Variants in ORC5 observed in about 807,000 individuals in gnomAD.
ORC5 encodes protein phosphatase 1, regulatory subunit 117.
ORC5 carries 39 observed loss-of-function variants against 58.8 expected under a neutral mutation model. The observed-to-expected ratio is 0.66, with a 90% confidence interval of 0.51 to 0.87. ORC5 has a LOEUF of 0.87. ORC5 is among the 40% of genes least tolerant of loss of function. ORC5 has a pLI of 0.00. For synonymous variants in ORC5, 218 were observed against 177.6 expected (o/e 1.23, Z -1.81); for missense variants, 493 against 506.3 (o/e 0.97, Z 0.25).
chr7:104,181,756 C>T (rs936799243), intron 8 of ORC5, among the ~76,000 whole-genome samples: 16 of 148,774 alleles, frequency 1.1e-4, no homozygotes, highest in Non-Finnish European at 2.2e-4. Flanking sequence ...CGCGCCACTG[C>T]ACTCCAGCCT....
Position 104,136,209 on chromosome 7 carries a change from T to G in ORC5, c.1262+572A>C, listed in dbSNP as rs1298499496. On this transcript the variant is annotated intron_variant, in intron 13 of 13. Transcript: ENST00000297431. The surrounding 1 kb of genome is among the most constrained non-coding windows in gnomAD (Gnocchi z 4.2). Reference sequence around the variant, plus strand: ...CCTTCCTAAGGCTTTTCTCTCACACTCTGTCCTTCAGTCAGGGATGTGACA... The same window carrying G: ...CCTTCCTAAGGCTTTTCTCTCACACGCTGTCCTTCAGTCAGGGATGTGACA... Among the ~76,000 whole-genome samples, 1 of 152,110 alleles carries G rather than the reference T, an allele frequency of 6.6e-6. No individual in the cohort carries two copies. Among genetic ancestry groups the G allele is most frequent in the East Asian group, 1.9e-4 (1 of 5,200 alleles).
rs1023125334 is a variant in ORC5 at position 104,165,183 on chromosome 7, A to G, written c.1038+52T>C. 6.7e-6 allele frequency: 6 copies of G among 893,736 alleles called. No homozygotes were observed. The East Asian group carries it at 1.0e-4, about 15-fold the overall frequency. 55.4% of individuals were successfully genotyped at this position (893,736 alleles called of 1,614,324 possible). ...ACAATTACAGATGTATCTATTTCCT[A>G]TATTATCTTCATTTCCTAAGTTTCT... On this transcript the variant is annotated intron_variant, in intron 11 of 13. Transcript: ENST00000297431.
At chr7:104,198,413 A>C (rs1294924242) in intron 3 of ORC5, among the ~76,000 whole-genome samples, 2 of 152,186 alleles carry the variant, frequency 1.3e-5, no homozygotes, top group African/African-American at 4.8e-5. Flanking sequence ...CAGGGAATAA[A>C]AGTGACTCTT....
Position 104,184,138 on chromosome 7 carries a change from C to T in ORC5, c.718G>A (p.Val240Met), listed in dbSNP as rs369009943. 26 of 1,586,596 alleles carry T rather than the reference C, an allele frequency of 1.6e-5. No homozygotes were observed. The highest frequency in any genetic ancestry group is 5.5e-5 in the African/African-American group (4 of 73,294). Residue 240 changes from valine (V) to methionine (M), a missense_variant, in exon 7 of 14, where the codon GTG becomes ATG. Val to Met is a conservative substitution (Grantham distance 21). This residue lies in a region of ORC5 where 412 missense variants were observed against 403.7 expected (regional missense o/e 1.02). Transcript: ENST00000297431. ...ACACAGTTACCTTCTCCTTTAACCA[C>T]GGGTTCACAATATTTAGGAAAATTA... ...VLNFPKYCEP[V>M]VKGEASERDT...
chr7:104,155,821 A>C (rs1198565486), intron 12 of ORC5, among the ~76,000 whole-genome samples: 1 of 151,616 alleles, frequency 6.6e-6, no homozygotes, highest in Non-Finnish European at 1.5e-5. Context: ...AGAATGAGTA[A>C]GAGGAGACAT....
intron 8 of ORC5, among the ~76,000 whole-genome samples, chr7:104,169,621 AG>A (rs1262388919): frequency 6.6e-6 from 1 of 152,240 alleles, no homozygotes; most frequent in East Asian, 1.9e-4. Context: ...AAATAATGCC[AG>A]ATTAGAACAA....
At chr7:104,153,943 G>A (rs986806728) in intron 12 of ORC5, among the ~76,000 whole-genome samples, 3 of 151,944 alleles carry the variant, frequency 2.0e-5, no homozygotes, top group Admixed American at 6.6e-5. Flanking sequence ...TAAATATTAT[G>A]TAATATGCAA....
intron 4 of ORC5, 128 bp from the exon 5 acceptor site, chr7:104,195,382 T>C (rs922550292): frequency 3.8e-5 from 20 of 531,056 alleles, no homozygotes; most frequent in Non-Finnish European, 5.9e-5. Context: ...ATTTGCATAT[T>C]AATAAACCAT....
chr7:104,204,124 T>C lies in ORC5; in HGVS notation c.165+18A>G. The C allele has an allele frequency of 7.3e-7, 1 of 1,374,606 alleles. No individual in the cohort carries two copies. The highest frequency in any genetic ancestry group is 1.3e-5 in the South Asian group (1 of 76,622). 85.2% of individuals were successfully genotyped at this position (1,374,606 alleles called of 1,614,324 possible). ...ACACTAAAAATGGCAAAGAAATATT[T>C]AATATTTTTATTCTTACCTCTAAAG... is the stretch of plus-strand genomic sequence containing the variant. On this transcript the variant is annotated intron_variant, in intron 2 of 13. Coordinates refer to ENST00000297431, the MANE Select transcript of ORC5 (RefSeq NM_002553.4).
intron 8 of ORC5, among the ~76,000 whole-genome samples, chr7:104,179,072 T>C (rs1261187075): frequency 6.6e-6 from 1 of 151,392 alleles, no homozygotes; most frequent in Non-Finnish European, 1.5e-5. Context: ...GGTATAAAGA[T>C]GTATTTTTGG....
intron 8 of ORC5, among the ~76,000 whole-genome samples, chr7:104,178,443 G>C (rs1401416114): frequency 1.3e-5 from 2 of 152,060 alleles, no homozygotes; most frequent in East Asian, 1.9e-4. Flanking sequence ...AAAGTTCCTT[G>C]TGGATTCTGG....
At chr7:104,150,232 G>A (rs1798822764) in intron 12 of ORC5, among the ~76,000 whole-genome samples, 1 of 152,112 alleles carries the variant, frequency 6.6e-6, no homozygotes, top group African/African-American at 2.4e-5. Context: ...ACGTTCATAG[G>A]TTGTTATATG....
chr7:104,165,360 T>C (rs575541607), intron 10 of ORC5, 78 bp from the exon 11 acceptor site: 1 of 798,002 alleles, frequency 1.3e-6, no homozygotes, highest in African/African-American at 1.7e-5. Context: ...ATTTAAAACA[T>C]GGCACACATA....
At chr7:104,144,373 C>T (rs1028441487) in intron 12 of ORC5, among the ~76,000 whole-genome samples, 7 of 152,118 alleles carry the variant, frequency 4.6e-5, no homozygotes, top group African/African-American at 1.4e-4. Context: ...ATCCACCTTC[C>T]TTTCTATTAT....
rs1024656726 is a variant in ORC5, at chr7:104,181,614, T to C, written c.824+2329A>G. The stretch of plus-strand genomic sequence containing the variant: ...TCCTGGCTAACACGGTGAAATGCTG[T>C]CTCTACTAAAAATACGAAAAAAAAA... On this transcript the variant is annotated intron_variant, in intron 8 of 13. Transcript: ENST00000297431. Among the ~76,000 whole-genome samples the C allele has an allele frequency of 4.6e-5, 7 of 151,700 alleles. No homozygotes were observed. In the East Asian group the frequency reaches 1.4e-3, roughly 30 times the overall value.
intron 8 of ORC5, among the ~76,000 whole-genome samples, chr7:104,173,377 A>T (rs183748863): frequency 1.3e-5 from 2 of 152,218 alleles, no homozygotes; most frequent in African/African-American, 4.8e-5. Context: ...TGCAATGCCC[A>T]TCCTCAAATA....
chr7:104,162,308 G>A (rs10235909), intron 11 of ORC5, among the ~76,000 whole-genome samples: 1 of 152,168 alleles, frequency 6.6e-6, no homozygotes, highest in East Asian at 1.9e-4. Flanking sequence ...AAGTAGCTGG[G>A]ATTACAGGCA....
chr7:104,144,696 G>A (rs1018878907), intron 12 of ORC5, among the ~76,000 whole-genome samples: 1 of 152,228 alleles, frequency 6.6e-6, no homozygotes, highest in Non-Finnish European at 1.5e-5. Context: ...GGCGGAGATT[G>A]CAGTGAGCTG....
chr7:104,153,475 A>G (rs969193778), intron 12 of ORC5, among the ~76,000 whole-genome samples: 2 of 152,128 alleles, frequency 1.3e-5, no homozygotes, highest in African/African-American at 4.8e-5. Flanking sequence ...TTGGAATGCA[A>G]TGTCTCACAA....
Sources: gnomAD v4.1 joint callset for allele counts (sites outside exome capture counted in the v4.1 genomes callset) on GRCh38, gnomAD v4.1.1 for gene constraint, gnomAD v4.1.1 regional missense constraint, Gnocchi (gnomAD v3.1) non-coding constraint, MANE v1.5 for transcripts, NCBI Gene and HGNC (gene_info 2026-07-23, HGNC 2026-07-21) for gene names.